GALNTL6: variants seen among roughly 807,000 people sequenced by gnomAD.
The protein encoded by GALNTL6 is polypeptide N-acetylgalactosaminyltransferase-like 6.
Under a neutral mutation model 73.7 loss-of-function variants are expected in GALNTL6, and 46 were observed. The observed-to-expected ratio is 0.62, with a 90% confidence interval of 0.49 to 0.80. The LOEUF is 0.80. Ranked by LOEUF, GALNTL6 falls within the 30% of genes least tolerant of loss-of-function variation. The pLI is 0.00. For synonymous variants in GALNTL6, 259 were observed against 263.7 expected (o/e 0.98, Z 0.17); for missense variants, 604 against 755.0 (o/e 0.80, Z 2.34).
At chr4:172,127,362 C>T (rs1225067952) in intron 2 of GALNTL6, among the ~76,000 whole-genome samples, 1 of 152,230 alleles carries the variant, frequency 6.6e-6, no homozygotes, top group Admixed American at 6.5e-5. Flanking sequence ...TGGGCCCATC[C>T]AGCCTGCCAC....
intron 5 of GALNTL6, among the ~76,000 whole-genome samples, chr4:172,687,531 G>A (rs1308201478): frequency 1.3e-5 from 2 of 151,544 alleles, no homozygotes; most frequent in Non-Finnish European, 2.9e-5. Flanking sequence ...GGGAGGCTGG[G>A]GAAGGAGAAT....
At chr4:172,183,525 A>G (rs974320224) in intron 2 of GALNTL6, among the ~76,000 whole-genome samples, 2 of 152,178 alleles carry the variant, frequency 1.3e-5, no homozygotes, top group Admixed American at 6.5e-5. Context: ...TTGATTCAAC[A>G]ATGTAGGCAA....
intron 12 of GALNTL6, among the ~76,000 whole-genome samples, chr4:173,032,450 C>CAAA (rs1394068256): frequency 2.3e-5 from 2 of 87,420 alleles, no homozygotes; most frequent in Non-Finnish European, 4.9e-5. Flanking sequence ...GACTCCGTCT[C>CAAA]AAAAAAAAAA....
intron 2 of GALNTL6, among the ~76,000 whole-genome samples, chr4:171,916,807 A>C (rs1018104677): frequency 2.0e-5 from 3 of 152,022 alleles, no homozygotes; most frequent in African/African-American, 4.8e-5. Flanking sequence ...CTTGGTGTAA[A>C]GGCACTTTGT....
chr4:172,830,569 G>A (rs1357604287), intron 7 of GALNTL6, among the ~76,000 whole-genome samples: 13 of 152,212 alleles, frequency 8.5e-5, no homozygotes, highest in Admixed American at 7.9e-4. Context: ...GGAATCAAGA[G>A]GAATAACATC....
At chr4:172,617,895 A>G (rs1234455109) in intron 5 of GALNTL6, among the ~76,000 whole-genome samples, 2 of 152,164 alleles carry the variant, frequency 1.3e-5, no homozygotes, top group Non-Finnish European at 2.9e-5. Context: ...TGCTGCTATT[A>G]TAATGTGACA....
At chr4:172,900,757 ATTCT>A (rs1746586854) in intron 8 of GALNTL6, among the ~76,000 whole-genome samples, 1 of 152,208 alleles carries the variant, frequency 6.6e-6, no homozygotes, top group African/African-American at 2.4e-5. Flanking sequence ...TAATTCATGA[ATTCT>A]TTAAGCTTAA....
At chr4:172,289,429 T>G (rs1247671336) in intron 3 of GALNTL6, among the ~76,000 whole-genome samples, 1 of 152,182 alleles carries the variant, frequency 6.6e-6, no homozygotes, top group Non-Finnish European at 1.5e-5. Flanking sequence ...TTTTCCTACT[T>G]CATGTTATCT....
chr4:172,423,578 A>G (rs948903258), intron 5 of GALNTL6, among the ~76,000 whole-genome samples: 1 of 152,014 alleles, frequency 6.6e-6, no homozygotes, highest in Non-Finnish European at 1.5e-5. Context: ...CCTTGACTAC[A>G]TTATTTAAAT....
chr4:172,846,976 C>T (rs1366346265), intron 7 of GALNTL6, among the ~76,000 whole-genome samples: 3 of 152,160 alleles, frequency 2.0e-5, no homozygotes, highest in African/African-American at 4.8e-5. Flanking sequence ...TCCTCTCCCT[C>T]TCCCTTTGTC....
chr4:171,902,044 G>A (rs1459983653), intron 2 of GALNTL6, among the ~76,000 whole-genome samples: 2 of 152,108 alleles, frequency 1.3e-5, no homozygotes, highest in African/African-American at 4.8e-5. Flanking sequence ...GAGATAAGTG[G>A]GAATGTTGCT....
At chr4:172,138,491 A>ATATATATATATATT (rs1733701324) in intron 2 of GALNTL6, among the ~76,000 whole-genome samples, 1 of 4,206 alleles carries the variant, frequency 2.4e-4, no homozygotes, top group South Asian at 5.6e-3. Context: ...ATATATATAT[A>ATATATATATATATT]TATATATATA....
At chr4:172,742,901 A>G (rs1478495261) in intron 5 of GALNTL6, among the ~76,000 whole-genome samples, 1 of 152,004 alleles carries the variant, frequency 6.6e-6, no homozygotes, top group African/African-American at 2.4e-5. Context: ...GCTCGGGGTC[A>G]CCTCCTTACA....
At chr4:172,890,556 A>G (rs1745977122) in intron 8 of GALNTL6, among the ~76,000 whole-genome samples, 1 of 152,154 alleles carries the variant, frequency 6.6e-6, no homozygotes, top group African/African-American at 2.4e-5. Flanking sequence ...GTCTAAGAAT[A>G]TGCTTTGCAT....
chr4:172,383,451 C>T (rs977481202), intron 5 of GALNTL6, among the ~76,000 whole-genome samples: 3 of 152,016 alleles, frequency 2.0e-5, no homozygotes, highest in Non-Finnish European at 4.4e-5. Flanking sequence ...TGGATATTGA[C>T]TTTGAATTCT....
chr4:172,327,549 C>T lies in GALNTL6; in HGVS notation c.386+15797C>T, dbSNP rs186733182. 1.4e-3 allele frequency among the ~76,000 whole-genome samples: 218 copies of T among 152,092 alleles called. 4 individuals carry two copies. The highest frequency in any genetic ancestry group is 4.1e-4 in the Non-Finnish European group (28 of 67,948). On this transcript the variant is annotated intron_variant, in intron 4 of 12. Transcript: ENST00000506823. Reference sequence around the variant, plus strand: ...TCTAAACCTCTTGGTAGGTCTCTAACGACTTGCTTTATGAGTCTGGGTGCT... The same window carrying T: ...TCTAAACCTCTTGGTAGGTCTCTAATGACTTGCTTTATGAGTCTGGGTGCT...
intron 2 of GALNTL6, among the ~76,000 whole-genome samples, chr4:172,047,554 A>C (rs1742257124): frequency 6.6e-6 from 1 of 152,132 alleles, no homozygotes; most frequent in East Asian, 1.9e-4. Context: ...TTGCAGAGTA[A>C]ATGATATCAA....
At chr4:172,256,309 G>C (rs986010252) in intron 3 of GALNTL6, among the ~76,000 whole-genome samples, 1 of 151,226 alleles carries the variant, frequency 6.6e-6, no homozygotes, top group Non-Finnish European at 1.5e-5. Flanking sequence ...TCCAGACTCC[G>C]TCATTGTTCA....
rs33989573 is a variant in GALNTL6 at position 172,761,669 on chromosome 4, T to TTCTCTCTC, written c.554-47672_554-47665dup. Among the ~76,000 whole-genome samples the TTCTCTCTC allele has an allele frequency of 6.0e-3, 884 of 147,258 alleles. 4 individuals carry two copies. The highest frequency in any genetic ancestry group is 0.029 in the East Asian group (141 of 4,918). ...TGTGAGAGCTTCGCCCTTGCTCTCT[T>TTCTCTCTC]TCTCTCTCTCTCTCTCTCTCTCTCT... On this transcript the variant is annotated intron_variant, in intron 5 of 12. Transcript: ENST00000506823.
Sources: gnomAD v4.1 joint callset for allele counts (sites outside exome capture counted in the v4.1 genomes callset) on GRCh38, gnomAD v4.1.1 for gene constraint, MANE v1.5 for transcripts, NCBI Gene and HGNC (gene_info 2026-07-23, HGNC 2026-07-21) for gene names.